STRN3: variants seen among roughly 807,000 people sequenced by gnomAD.
STRN3 encodes the protein striatin-3.
STRN3 carries 29 observed loss-of-function variants against 95.6 expected under a neutral mutation model. The observed-to-expected ratio is 0.30, with a 90% CI of 0.23 to 0.41. The LOEUF is 0.41. Among genes scored for constraint, STRN3 ranks in the 10% least tolerant of loss-of-function variants. The probability of loss-of-function intolerance (pLI) is 1.00; values close to 1 mark genes in which losing one functional copy is unlikely to be tolerated. For missense variants in STRN3, 890 were observed against 972.1 expected (o/e 0.92, Z 1.12); for synonymous variants, 331 against 357.6 (o/e 0.93, Z 0.84).
intron 1 of STRN3, among the ~76,000 whole-genome samples, chr14:31,002,558 T>C (rs1255609523): frequency 6.6e-6 from 1 of 150,806 alleles, no homozygotes; most frequent in Non-Finnish European, 1.5e-5. Context: ...TGACAATCAC[T>C]TGAACCCAGG....
chr14:30,929,374 T>C (rs1878365255), intron 7 of STRN3, 63 bp from the exon 8 acceptor site: 1 of 1,206,344 alleles, frequency 8.3e-7, no homozygotes, highest in Non-Finnish European at 1.2e-6. Flanking sequence ...CTGTTGGCAG[T>C]AAACTGTTAT....
At chr14:30,929,967 A>AACAAAAAAAACAAAAAAC (rs1555317335) in intron 7 of STRN3, among the ~76,000 whole-genome samples, 1 of 91,122 alleles carries the variant, frequency 1.1e-5, no homozygotes, top group East Asian at 3.2e-4. Flanking sequence ...AAAAAAAAAA[A>AACAAAAAAAACAAAAAAC]AAAAAAAAAA....
chr14:30,907,280 C>CT lies in STRN3; in HGVS notation c.1721-237dup, dbSNP rs35844855. 6.1e-3 allele frequency among the ~76,000 whole-genome samples: 872 copies of CT among 142,930 alleles called. 5 individuals are homozygous for CT. Among genetic ancestry groups the CT allele is most frequent in the East Asian group, 0.029 (141 of 4,942 alleles). The allele number at this position is 142,930 out of a possible 152,430, so 93.8% of individuals were successfully genotyped here. ...ACAATTTTCTATAAAGAAACATATG[C>CT]TTTTTTTTTTTTTTAAAACAGCTTT... On this transcript the variant is annotated intron_variant, in intron 13 of 17. Coordinates refer to ENST00000357479, the MANE Select transcript of STRN3 (RefSeq NM_001083893.2).
At chr14:30,928,248 T>A (rs1180040723) in intron 8 of STRN3, among the ~76,000 whole-genome samples, 3 of 152,194 alleles carry the variant, frequency 2.0e-5, no homozygotes, top group Admixed American at 2.0e-4. Context: ...CAAAAAGGTT[T>A]TACTGAAAGA....
chr14:30,929,954 C>CAAAAAAAAAAACAAAAAAA (rs1393194244), intron 7 of STRN3, among the ~76,000 whole-genome samples: 16 of 40,000 alleles, frequency 4.0e-4, no homozygotes, highest in African/African-American at 1.4e-3. Flanking sequence ...CTAAGATTAG[C>CAAAAAAAAAAACAAAAAAA]AAAAAAAAAA....
chr14:31,014,813 T>TAAAAA lies in STRN3; in HGVS notation c.282+11086_282+11090dup. ...TCATTACAAGAACACAAAACCACTT[T>TAAAAA]AAAAAAAAAAAAAAAAACAGGGTCT... On this transcript the variant is annotated intron_variant, in intron 1 of 17. Transcript: ENST00000357479. The TAAAAA allele has an allele frequency of 1.6e-5, 6 of 368,550 alleles. No homozygotes were observed. The Admixed American group carries it at 1.8e-4, about 11-fold the overall frequency. The allele number at this position is 368,550 out of a possible 1,614,324, so 22.8% of individuals were successfully genotyped here.
intron 16 of STRN3, among the ~76,000 whole-genome samples, chr14:30,901,746 G>A (rs1400773209): frequency 6.6e-6 from 1 of 152,036 alleles, no homozygotes; most frequent in African/African-American, 2.4e-5. Context: ...ACACATCTAT[G>A]GCTAAGTTAA....
intron 1 of STRN3, among the ~76,000 whole-genome samples, chr14:30,997,247 T>A (rs1882245498): frequency 6.6e-6 from 1 of 152,048 alleles, no homozygotes; most frequent in Non-Finnish European, 1.5e-5. Context: ...AAATCTTCAA[T>A]CCCCAGTGTA....
intron 3 of STRN3, 21 bp downstream of exon 3, chr14:30,955,599 T>C (rs752746632): frequency 6.5e-7 from 1 of 1,526,846 alleles, no homozygotes; most frequent in Non-Finnish European, 8.7e-7. Flanking sequence ...AAAAAAAAAG[T>C]AACAGAAGAA....
chr14:30,944,567 A>ACACATG, intron 5 of STRN3, among the ~76,000 whole-genome samples: 1 of 72,764 alleles, frequency 1.4e-5, no homozygotes, highest in South Asian at 4.2e-4. Context: ...ATATATATAT[A>ACACATG]TATACACACA....
chr14:30,969,472 C>T (rs886115657), intron 1 of STRN3, among the ~76,000 whole-genome samples: 1 of 151,912 alleles, frequency 6.6e-6, no homozygotes, highest in Admixed American at 6.6e-5. Context: ...TTACCTTATG[C>T]TCAGACATTA....
intron 9 of STRN3, among the ~76,000 whole-genome samples, chr14:30,915,021 C>T (rs1054128981): frequency 6.6e-6 from 1 of 151,966 alleles, no homozygotes; most frequent in Non-Finnish European, 1.5e-5. Context: ...GCTTTGAAAG[C>T]AAAATTTTAA....
At chr14:30,995,124 A>G (rs1237367046) in intron 1 of STRN3, among the ~76,000 whole-genome samples, 1 of 152,256 alleles carries the variant, frequency 6.6e-6, no homozygotes, top group Non-Finnish European at 1.5e-5. Flanking sequence ...TGAAGTTTCC[A>G]TTACCTGATA....
intron 14 of STRN3, among the ~76,000 whole-genome samples, chr14:30,906,116 A>T (rs766146): frequency 0.43 from 64,843 of 151,996 alleles, 14,041 homozygotes; most frequent in East Asian, 0.46. Context: ...AACTAGCCAG[A>T]TCAATGCACA....
intron 13 of STRN3, among the ~76,000 whole-genome samples, chr14:30,909,481 A>AAG (rs148536106): frequency 7.8e-4 from 117 of 150,770 alleles, no homozygotes; most frequent in Middle Eastern, 3.4e-3. Flanking sequence ...CCAAAAAAGA[A>AAG]AGAGAGAGAG....
chr14:31,026,205 GGGGCGCAGGGCGAGACGCCGACAGCT>G lies in STRN3; in HGVS notation c.-46_-21del. The G allele has an allele frequency of 2.1e-6, 3 of 1,399,682 alleles. No individual in the cohort carries two copies. The highest frequency in any genetic ancestry group is 2.8e-6 in the Non-Finnish European group (3 of 1,086,294). 86.7% of individuals were successfully genotyped at this position (1,399,682 alleles called of 1,614,324 possible). ...GTCCATTGTGTGTGGGGCCCCGGCC[GGGGCGCAGGGCGAGACGCCGACAGCT>G]GGGGGAAGGGCCGGAGAGGGTGGCC... is the stretch of plus-strand genomic sequence containing the variant. On this transcript the variant is annotated 5_prime_UTR_variant, in exon 1 of 18. Transcript: ENST00000357479.
intron 9 of STRN3, among the ~76,000 whole-genome samples, chr14:30,914,670 CTTTG>C (rs1268303058): frequency 1.1e-4 from 15 of 139,780 alleles, no homozygotes; most frequent in African/African-American, 3.9e-4. Flanking sequence ...AGCTTTAAAG[CTTTG>C]ACTATGACTT....
chr14:30,962,877 ATACT>A (rs1204405936), intron 1 of STRN3, among the ~76,000 whole-genome samples: 1 of 152,018 alleles, frequency 6.6e-6, no homozygotes, highest in Non-Finnish European at 1.5e-5. Context: ...AGATACACAA[ATACT>A]TACCATTGTG....
At chr14:30,924,244 C>CA (rs71112353) in intron 8 of STRN3, among the ~76,000 whole-genome samples, 3 of 116,102 alleles carry the variant, frequency 2.6e-5, no homozygotes, top group African/African-American at 9.9e-5. Context: ...CAAAAAACAA[C>CA]AAAAAAAAAA....
Sources: gnomAD v4.1 joint callset for allele counts (sites outside exome capture counted in the v4.1 genomes callset) on GRCh38, gnomAD v4.1.1 for gene constraint, MANE v1.5 for transcripts, NCBI Gene and HGNC (gene_info 2026-07-23, HGNC 2026-07-21) for gene names.